B3GALT1: variants seen among roughly 807,000 people sequenced by gnomAD.
B3GALT1 encodes beta-1,3-galactosyltransferase 1.
A neutral mutation model predicts 23.2 loss-of-function variants in B3GALT1; 10 were observed. That is an observed-to-expected ratio of 0.43 (90% confidence interval 0.27 to 0.73). The LOEUF (loss-of-function observed/expected upper bound fraction) is 0.73. B3GALT1 is among the 30% of genes least tolerant of loss of function. The pLI is 0.21. For missense variants in B3GALT1, 299 were observed against 405.4 expected (o/e 0.74, Z 2.25); for synonymous variants, 156 against 141.5 (o/e 1.10, Z -0.73).
intron 2 of B3GALT1, among the ~76,000 whole-genome samples, chr2:167,625,341 A>C (rs1394476543): frequency 1.3e-5 from 2 of 151,896 alleles, no homozygotes; most frequent in African/African-American, 4.8e-5. Context: ...GACCTTCACC[A>C]GTTCAGTACT....
At chr2:167,325,889 T>C (rs1447724268) in intron 1 of B3GALT1, among the ~76,000 whole-genome samples, 2 of 151,828 alleles carry the variant, frequency 1.3e-5, no homozygotes, top group Admixed American at 1.3e-4. Context: ...GGCTAATTTT[T>C]CTATTTTTAG....
In B3GALT1 at chr2:167,410,439, C is replaced by T. The variant is rs113065489; in HGVS notation, c.-510-79738C>T. ...CTGGGAGGCGGAGCTTGCAGTGAGCCGAGATCGCGCCACTGCACTCCAGCC... is the reference window on the plus strand; with the variant it reads ...CTGGGAGGCGGAGCTTGCAGTGAGCTGAGATCGCGCCACTGCACTCCAGCC... On this transcript the variant is annotated intron_variant, in intron 1 of 4. Transcript: ENST00000392690. 3.3e-3 allele frequency among the ~76,000 whole-genome samples: 486 copies of T among 147,362 alleles called. 6 individuals are homozygous for T. The highest frequency in any genetic ancestry group is 5.4e-3 in the Non-Finnish European group (367 of 67,476).
intron 1 of B3GALT1, among the ~76,000 whole-genome samples, chr2:167,297,503 A>G (rs1696370298): frequency 6.6e-6 from 1 of 152,094 alleles, no homozygotes. Context: ...TGAAACAACA[A>G]TTTTCAAGTA....
At chr2:167,526,678 G>C (rs73024096) in intron 2 of B3GALT1, among the ~76,000 whole-genome samples, 4,090 of 152,244 alleles carry the variant, frequency 0.027, 179 homozygotes, top group African/African-American at 0.093. Flanking sequence ...AGTGCTTACA[G>C]AAATGTAATT....
intron 3 of B3GALT1, among the ~76,000 whole-genome samples, chr2:167,725,920 A>G (rs1424920469): frequency 1.3e-5 from 2 of 152,222 alleles, no homozygotes; most frequent in Admixed American, 1.3e-4. Flanking sequence ...GAACCAATTC[A>G]GAAGACTTCT....
At chr2:167,311,885 T>C (rs911648035) in intron 1 of B3GALT1, among the ~76,000 whole-genome samples, 1 of 151,802 alleles carries the variant, frequency 6.6e-6, no homozygotes, top group Non-Finnish European at 1.5e-5. Context: ...TAATTGTAGT[T>C]CCAGAAAAAC....
In B3GALT1 at chr2:167,326,886, C is replaced by T. The variant is rs140594025; in HGVS notation, c.-511+33552C>T. On this transcript the variant is annotated intron_variant, in intron 1 of 4. Coordinates refer to ENST00000392690, the MANE Select transcript of B3GALT1 (RefSeq NM_020981.4). Reference sequence around the variant, plus strand: ...TCTTTTATTAGTAGAGACAGGGTTTCGCCACGTTGGCCAGGCTGGTCTCTA... The same window carrying T: ...TCTTTTATTAGTAGAGACAGGGTTTTGCCACGTTGGCCAGGCTGGTCTCTA... 2.5e-3 allele frequency among the ~76,000 whole-genome samples: 382 copies of T among 152,076 alleles called. 1 individual carries two copies. Among genetic ancestry groups the T allele is most frequent in the Non-Finnish European group, 4.8e-3 (324 of 67,946 alleles).
At chr2:167,861,762 T>C (rs772155193) in intron 4 of B3GALT1, among the ~76,000 whole-genome samples, 3 of 152,168 alleles carry the variant, frequency 2.0e-5, no homozygotes, top group Non-Finnish European at 4.4e-5. Context: ...TGCCTCTGTC[T>C]CCTAGAAAGT....
chr2:167,741,599 C>T (rs911626037), intron 3 of B3GALT1, among the ~76,000 whole-genome samples: 2 of 152,198 alleles, frequency 1.3e-5, no homozygotes, highest in African/African-American at 4.8e-5. Context: ...CTAAACAATG[C>T]CAGTGATAAA....
chr2:167,518,930 A>G (rs1700142710), intron 2 of B3GALT1, among the ~76,000 whole-genome samples: 3 of 152,216 alleles, frequency 2.0e-5, no homozygotes, highest in Admixed American at 1.3e-4. Flanking sequence ...GTATAAGGCA[A>G]TTAGTCTTAC....
chr2:167,806,752 T>G (rs1482820474), intron 3 of B3GALT1, among the ~76,000 whole-genome samples: 2 of 152,224 alleles, frequency 1.3e-5, no homozygotes, highest in African/African-American at 4.8e-5. Flanking sequence ...TCGATGTACA[T>G]CAGGGATATT....
chr2:167,640,042 A>G (rs1362283797), intron 2 of B3GALT1, among the ~76,000 whole-genome samples: 5 of 152,140 alleles, frequency 3.3e-5, no homozygotes, highest in Non-Finnish European at 7.4e-5. Context: ...CAGCACTGCT[A>G]CAGGCAATAG....
chr2:167,559,498 G>A (rs538624556), intron 2 of B3GALT1, among the ~76,000 whole-genome samples: 23 of 152,226 alleles, frequency 1.5e-4, no homozygotes, highest in East Asian at 9.7e-4. Flanking sequence ...TCAGACGATC[G>A]AACTACTCCA....
chr2:167,335,335 G>A (rs1697041868), intron 1 of B3GALT1, among the ~76,000 whole-genome samples: 1 of 152,110 alleles, frequency 6.6e-6, no homozygotes, highest in South Asian at 2.1e-4. Flanking sequence ...TCATCCACAA[G>A]GACTCAAATA....
At chr2:167,745,614 G>T (rs796199327) in intron 3 of B3GALT1, among the ~76,000 whole-genome samples, 18 of 151,840 alleles carry the variant, frequency 1.2e-4, no homozygotes, top group African/African-American at 4.1e-4. Context: ...TATTCTATTG[G>T]CTTATGATTC....
At chr2:167,765,084 A>G (rs1195675642) in intron 3 of B3GALT1, among the ~76,000 whole-genome samples, 1 of 152,152 alleles carries the variant, frequency 6.6e-6, no homozygotes, top group African/African-American at 2.4e-5. Context: ...TCCAGTTCTA[A>G]GGTCACTATT....
intron 1 of B3GALT1, among the ~76,000 whole-genome samples, chr2:167,374,485 G>A (rs967187629): frequency 4.6e-5 from 7 of 152,126 alleles, no homozygotes; most frequent in Admixed American, 3.9e-4. Context: ...CACCAACAGT[G>A]TATATGCATT....
chr2:167,667,425 T>C (rs943837854), intron 3 of B3GALT1, among the ~76,000 whole-genome samples: 2 of 152,082 alleles, frequency 1.3e-5, no homozygotes, highest in Non-Finnish European at 2.9e-5. Context: ...GACAATTATG[T>C]GTCTTGGAGT....
chr2:167,398,529 A>T (rs1483543410), intron 1 of B3GALT1, among the ~76,000 whole-genome samples: 1 of 151,922 alleles, frequency 6.6e-6, no homozygotes, highest in Non-Finnish European at 1.5e-5. Flanking sequence ...TACATTCATG[A>T]CTCTTACTTA....
Sources: gnomAD v4.1 joint callset for allele counts (sites outside exome capture counted in the v4.1 genomes callset) on GRCh38, gnomAD v4.1.1 for gene constraint, MANE v1.5 for transcripts, NCBI Gene and HGNC (gene_info 2026-07-23, HGNC 2026-07-21) for gene names.